Variants in SLC6A11 observed in about 807,000 individuals in gnomAD.
SLC6A11 encodes the protein sodium- and chloride-dependent GABA transporter 3.
In SLC6A11, 25 loss-of-function variants were observed where a neutral mutation model predicts 74.8. That is an observed-to-expected ratio of 0.33 (90% confidence interval 0.24 to 0.47). The LOEUF is 0.47. Ranked by LOEUF, SLC6A11 falls within the 20% of genes least tolerant of loss-of-function variation. SLC6A11 has a pLI of 1.00. For missense variants in SLC6A11, 574 were observed against 837.0 expected (o/e 0.69, Z 3.88); for synonymous variants, 330 against 330.2 (o/e 1.00, Z 0.01).
chr3:10,880,407 G>A (rs1341647574), intron 6 of SLC6A11, among the ~76,000 whole-genome samples: 1 of 152,184 alleles, frequency 6.6e-6, no homozygotes, highest in East Asian at 1.9e-4. Context: ...CTGGGAGCAT[G>A]GGCACCTTTG....
In SLC6A11 at chr3:10,918,214, C is replaced by G; in HGVS notation, c.996-115C>G. The G allele has an allele frequency of 8.3e-7, 1 of 1,209,780 alleles. No individual in the cohort carries two copies. The highest frequency in any genetic ancestry group is 1.1e-6 in the Non-Finnish European group (1 of 899,890). The allele number at this position is 1,209,780 out of a possible 1,614,324, so 74.9% of individuals were successfully genotyped here. A position where few individuals can be genotyped will look rare whatever the true frequency, so the allele number is the denominator to read the frequency against. On this transcript the variant is annotated intron_variant, in intron 7 of 13. Transcript: ENST00000254488. The surrounding 1 kb of genome is among the most constrained non-coding windows in gnomAD (Gnocchi z 4.5). Reference sequence around the variant, plus strand: ...CATCAGAAAAACAGAGCTCCCTGTGCCTGCACTTCCCTGCCTGCCTCACAG... The same window carrying G: ...CATCAGAAAAACAGAGCTCCCTGTGGCTGCACTTCCCTGCCTGCCTCACAG...
At chr3:10,897,856 G>T (rs1393954733) in intron 6 of SLC6A11, among the ~76,000 whole-genome samples, 1 of 152,218 alleles carries the variant, frequency 6.6e-6, no homozygotes, top group Admixed American at 6.5e-5. Context: ...TGCCTTAGCA[G>T]AGGTTCTCCA....
intron 5 of SLC6A11, among the ~76,000 whole-genome samples, chr3:10,872,540 C>A (rs969372172): frequency 2.0e-5 from 3 of 152,242 alleles, no homozygotes; most frequent in African/African-American, 7.2e-5. Context: ...CCCCTGATGA[C>A]ATGAGGCATG....
At chr3:10,910,428 C>T (rs1695371277) in intron 6 of SLC6A11, among the ~76,000 whole-genome samples, 1 of 151,992 alleles carries the variant, frequency 6.6e-6, no homozygotes, top group African/African-American at 2.4e-5. Flanking sequence ...CCTGCGTGCC[C>T]CCAGAACGAG....
Position 10,935,034 on chromosome 3 carries a change from C to T in SLC6A11, c.1581C>T (p.Ile527=). 6.2e-7 allele frequency: 1 copy of T among 1,613,798 alleles called. No individual in the cohort carries two copies. Among genetic ancestry groups the T allele is most frequent in the Non-Finnish European group, 8.5e-7 (1 of 1,179,820 alleles). ...MIMTPGICAG[I]FIFFLIKYKP... is the part of the protein sequence containing the mutation. ...CTGCCCCCATCTCTCTGCAGGGGAT[C>T]TTCATCTTCTTCTTGATCAAGTACA... The change falls in exon 13 of 14, where the codon ATC becomes ATT. Residue 527 remains isoleucine (I), a synonymous_variant. Coordinates refer to ENST00000254488, the MANE Select transcript of SLC6A11 (RefSeq NM_014229.3).
chr3:10,929,131 C>G (rs1695648749), intron 9 of SLC6A11, 71 bp from the exon 10 acceptor site: 10 of 1,556,598 alleles, frequency 6.4e-6, no homozygotes, highest in Admixed American at 1.7e-5. Flanking sequence ...GCCTGCTGCG[C>G]TTGCCCAGAG....
chr3:10,844,760 G>C (rs1448830605), intron 5 of SLC6A11, among the ~76,000 whole-genome samples: 2 of 152,170 alleles, frequency 1.3e-5, no homozygotes, highest in Non-Finnish European at 2.9e-5. Context: ...AGATCTCAGG[G>C]GTGTATTTCT....
Position 10,935,177 on chromosome 3 carries a change from A to G in SLC6A11, c.1724A>G (p.Lys575Arg). ...CTCTGGATCTGCATCACAGTGTGGA[A>G]GACGGAGGGGACACTGCCCGAGGTG... ...IPLWICITVW[K>R]TEGTLPEKLQ... The change falls in exon 13 of 14, where the codon AAG (lysine) becomes AGG (arginine). Residue 575 changes from lysine to arginine, a missense_variant. By Grantham distance (26) the Lys-to-Arg change is conservative. This residue lies in a region of SLC6A11 where 257 missense variants were observed against 341.5 expected (regional missense o/e 0.75). Coordinates refer to ENST00000254488, the MANE Select transcript of SLC6A11 (RefSeq NM_014229.3). 1 of 1,614,212 alleles carries G rather than the reference A, an allele frequency of 6.2e-7. No homozygotes were observed. Among genetic ancestry groups the G allele is most frequent in the Non-Finnish European group, 8.5e-7 (1 of 1,180,022 alleles).
chr3:10,818,646 G>C (rs993975008), intron 1 of SLC6A11, among the ~76,000 whole-genome samples: 1 of 152,216 alleles, frequency 6.6e-6, no homozygotes. Flanking sequence ...GCCGTCATTT[G>C]TGAGATCAGA....
chr3:10,819,704 C>G lies in SLC6A11; in HGVS notation c.392-8C>G, dbSNP rs377532959. 6.2e-6 allele frequency: 10 copies of G among 1,613,132 alleles called. No individual in the cohort carries two copies. Among genetic ancestry groups the G allele is most frequent in the African/African-American group, 2.7e-5 (2 of 74,918 alleles). ...ACTCAAATTCCTTCCTTTCTTTTGT[C>G]CTTTCAGGCATTGGCTATGCAACAC... is the stretch of plus-strand genomic sequence containing the variant. On this transcript the variant is annotated splice_region_variant and splice_polypyrimidine_tract_variant and intron_variant, in intron 2 of 13. Transcript: ENST00000254488.
intron 4 of SLC6A11, among the ~76,000 whole-genome samples, chr3:10,842,206 C>G (rs1050007496): frequency 6.6e-6 from 1 of 152,172 alleles, no homozygotes; most frequent in African/African-American, 2.4e-5. Flanking sequence ...CCCTCAAACC[C>G]CTCTCCTCCC....
intron 4 of SLC6A11, among the ~76,000 whole-genome samples, chr3:10,840,741 T>G (rs1005102265): frequency 6.6e-6 from 1 of 152,170 alleles, no homozygotes; most frequent in Non-Finnish European, 1.5e-5. Flanking sequence ...GGAGCCAGGA[T>G]CCCTGGGCTC....
intron 4 of SLC6A11, among the ~76,000 whole-genome samples, chr3:10,838,664 A>G (rs1015375146): frequency 1.3e-5 from 2 of 152,102 alleles, no homozygotes; most frequent in Non-Finnish European, 2.9e-5. Context: ...CAGGAGAATC[A>G]CTTGAACCCA....
chr3:10,891,103 GGAAT>G (rs1695102427), intron 6 of SLC6A11, among the ~76,000 whole-genome samples: 1 of 152,178 alleles, frequency 6.6e-6, no homozygotes, highest in Non-Finnish European at 1.5e-5. Flanking sequence ...CCATTGGGAA[GGAAT>G]GAAACCTCAG....
At chr3:10,873,750 A>ATCCTGTCCTG (rs879308504) in intron 5 of SLC6A11, among the ~76,000 whole-genome samples, 121 of 139,164 alleles carry the variant, frequency 8.7e-4, no homozygotes, top group African/African-American at 3.2e-3. Flanking sequence ...GTCCCATGCT[A>ATCCTGTCCTG]TCCTGTCCTG....
intron 4 of SLC6A11, among the ~76,000 whole-genome samples, chr3:10,836,473 A>G (rs934843372): frequency 5.3e-5 from 8 of 152,262 alleles, no homozygotes; most frequent in Non-Finnish European, 7.3e-5. Context: ...CACCAGTAAT[A>G]TACGAGGGTT....
At chr3:10,842,585 A>G (rs1476605302) in intron 4 of SLC6A11, among the ~76,000 whole-genome samples, 2 of 152,232 alleles carry the variant, frequency 1.3e-5, no homozygotes, top group African/African-American at 4.8e-5. Context: ...ACTATAATTA[A>G]ATGGCTGCCT....
intron 5 of SLC6A11, among the ~76,000 whole-genome samples, chr3:10,855,625 T>TAGACAAATATTAAG (rs1694629945): frequency 6.6e-6 from 1 of 152,190 alleles, no homozygotes; most frequent in East Asian, 1.9e-4. Flanking sequence ...GTGTACCATG[T>TAGACAAATATTAAG]CCTGTGCCAG....
At chr3:10,925,976 G>T in intron 8 of SLC6A11, 28 bp from the exon 9 acceptor site, 6 of 1,312,126 alleles carry the variant, frequency 4.6e-6, no homozygotes, top group Non-Finnish European at 6.6e-6. Flanking sequence ...ACTCCACCCA[G>T]TGGCTTTCTC....
Sources: allele counts gnomAD v4.1 joint callset (sites outside exome capture counted in the v4.1 genomes callset), GRCh38; gene constraint gnomAD v4.1.1; regional missense constraint gnomAD v4.1.1; non-coding constraint Gnocchi (gnomAD v3.1); transcripts MANE v1.5; gene names NCBI Gene and HGNC (gene_info 2026-07-23, HGNC 2026-07-21).